TCF25: variants seen among roughly 807,000 people sequenced by gnomAD.
The protein encoded by TCF25 is TCF25 ribosome quality control complex subunit, also known as ribosome quality control complex subunit TCF25.
A neutral mutation model predicts 83.1 loss-of-function variants in TCF25; 41 were observed. The ratio of observed to expected loss-of-function variants is 0.49; its 90% CI spans 0.38 to 0.64. The LOEUF is 0.64. Among genes scored for constraint, TCF25 ranks in the 30% least tolerant of loss-of-function variants. The pLI, the probability that TCF25 is intolerant of heterozygous loss-of-function variation, is 0.00. For synonymous variants in TCF25, 458 were observed against 365.0 expected, an observed-to-expected ratio of 1.25 and a Z score of -2.90; for missense variants, 979 against 914.5, an observed-to-expected ratio of 1.07 and a Z score of -0.91.
chr16:89,877,061 C>T (rs774046432), intron 1 of TCF25, among the ~76,000 whole-genome samples: 4 of 151,346 alleles, frequency 2.6e-5, no homozygotes, highest in Non-Finnish European at 4.4e-5. Context: ...GAGATTGTGC[C>T]ACCAGGCTCC....
intron 1 of TCF25, among the ~76,000 whole-genome samples, chr16:89,880,226 A>C (rs988274841): frequency 6.6e-6 from 1 of 152,148 alleles, no homozygotes; most frequent in African/African-American, 2.4e-5. Flanking sequence ...TATGAATTCG[A>C]TTTGTCAAAC....
intron 16 of TCF25, 114 bp from the exon 17 acceptor site, chr16:89,910,477 C>G: frequency 1.9e-6 from 2 of 1,029,920 alleles, no homozygotes; most frequent in Admixed American, 1.9e-5. Flanking sequence ...TGCCCCCTGG[C>G]GGCCCCTCCG....
chr16:89,893,687 C>T (rs2043602236), intron 6 of TCF25, 41 bp from the exon 7 acceptor site: 1 of 1,612,512 alleles, frequency 6.2e-7, no homozygotes, highest in East Asian at 2.2e-5. Flanking sequence ...GCCCACGTCC[C>T]TGCTCCCGGC....
Position 89,900,956 on chromosome 16 carries a change from G to A in TCF25, c.1381+162G>A, listed in dbSNP as rs992546964. The A allele has an allele frequency of 2.2e-5, 19 of 860,512 alleles. No individual in the cohort carries two copies. The Admixed American group carries it at 5.5e-4, about 25-fold the overall frequency. The allele number at this position is 860,512 out of a possible 1,614,324, so 53.3% of individuals were successfully genotyped here. On this transcript the variant is annotated intron_variant, in intron 12 of 17. Transcript: ENST00000263346. ...AACCTGCCCTACCAAACCTGAAAGA[G>A]GGTCGGCTCATCTCGGAACCCGCTG... is the stretch of plus-strand genomic sequence containing the variant.
At chr16:89,884,310 G>T (rs73276535) in intron 2 of TCF25, among the ~76,000 whole-genome samples, 2 of 152,172 alleles carry the variant, frequency 1.3e-5, no homozygotes, top group South Asian at 2.1e-4. Flanking sequence ...GGCCGACACA[G>T]GGAGGAATGA....
chr16:89,878,631 G>C, intron 1 of TCF25: 2 of 1,110,254 alleles, frequency 1.8e-6, no homozygotes, highest in Non-Finnish European at 2.2e-6. Flanking sequence ...CTTTTGGGTA[G>C]GTAATAAGGT....
At chr16:89,891,325 C>T (rs564753467) in intron 5 of TCF25, among the ~76,000 whole-genome samples, 40 of 152,208 alleles carry the variant, frequency 2.6e-4, no homozygotes, top group Non-Finnish European at 5.1e-4. Flanking sequence ...GTGCTACAGG[C>T]AGGAGAAGCA....
intron 1 of TCF25, among the ~76,000 whole-genome samples, chr16:89,879,232 A>C (rs1382204664): frequency 1.4e-5 from 2 of 145,626 alleles, no homozygotes; most frequent in Non-Finnish European, 3.0e-5. Context: ...GGCCTGTCAC[A>C]CGTGTTGTCC....
chr16:89,890,208 C>G (rs147822038), intron 5 of TCF25: 3 of 152,622 alleles, frequency 2.0e-5, no homozygotes, highest in East Asian at 3.9e-4. Flanking sequence ...GCCACCACAC[C>G]CAGCCTAAGT....
intron 13 of TCF25, 147 bp downstream of exon 13, chr16:89,904,352 A>G (rs2044597886): frequency 1.2e-6 from 1 of 854,542 alleles, no homozygotes; most frequent in Non-Finnish European, 1.9e-6. Context: ...GTCATTTGAC[A>G]TGGGACGGCT....
chr16:89,879,246 T>G (rs2042421495), intron 1 of TCF25, among the ~76,000 whole-genome samples: 1 of 150,244 alleles, frequency 6.7e-6, no homozygotes, highest in African/African-American at 2.5e-5. Context: ...GTTGTCCGTG[T>G]GCACAGATGG....
chr16:89,886,550 G>T (rs1162390278), intron 4 of TCF25, among the ~76,000 whole-genome samples: 2 of 152,052 alleles, frequency 1.3e-5, no homozygotes, highest in African/African-American at 4.8e-5. Context: ...ATCACCTGAG[G>T]TCAGGAGTTT....
chr16:89,883,254 C>T (rs2042741386), intron 1 of TCF25, 97 bp from the exon 2 acceptor site: 2 of 1,516,106 alleles, frequency 1.3e-6, no homozygotes, highest in East Asian at 2.3e-5. Flanking sequence ...CCTGGGGGTC[C>T]CCAACGCAAG....
intron 16 of TCF25, chr16:89,908,983 G>C: frequency 7.8e-7 from 1 of 1,289,538 alleles, no homozygotes; most frequent in Non-Finnish European, 1.0e-6. Context: ...GAGGAGGAGA[G>C]GAACAGTGTT....
At position 89,873,657 on chromosome 16, in the gene TCF25, C is replaced by A; in HGVS notation, c.-11C>A. 6.4e-7 allele frequency: 1 copy of A among 1,562,292 alleles called. No individual in the cohort carries two copies. Among genetic ancestry groups the A allele is most frequent in the South Asian group, 1.2e-5 (1 of 85,630 alleles). On this transcript the variant is annotated 5_prime_UTR_variant, in exon 1 of 18. Transcript: ENST00000263346. ...TCTCCCTCTCTCCAGACGTCGTGGT[C>A]GTTCGGTCCTATGTCGCGCCGGGCC...
At chr16:89,874,349 TA>T (rs2041999377) in intron 1 of TCF25, among the ~76,000 whole-genome samples, 1 of 137,652 alleles carries the variant, frequency 7.3e-6, no homozygotes, top group Non-Finnish European at 1.6e-5. Flanking sequence ...TGGGCGGGGT[TA>T]AATGAGGCCT....
At chr16:89,900,911 A>G in intron 12 of TCF25, 117 bp downstream of exon 12, 1 of 1,214,008 alleles carries the variant, frequency 8.2e-7, no homozygotes, top group Admixed American at 2.7e-5. Context: ...AGAAACATGC[A>G]TTCTCTGGTA....
Position 89,898,778 on chromosome 16 carries a change from A to G in TCF25, c.1127A>G (p.Asp376Gly), listed in dbSNP as rs2044092015. The G allele has an allele frequency of 2.5e-6, 4 of 1,613,668 alleles. No individual in the cohort carries two copies. The Admixed American group carries it at 6.7e-5, about 27-fold the overall frequency. Reference protein sequence around the residue: ...YCKLILSLEPDEDPLCMLLLI... With the variant: ...YCKLILSLEPGEDPLCMLLLI... ...GCTGCCTCCGGAAGTCTCGAGCCGG[A>G]TGAGGACCCCCTCTGCATGCTGCTG... The change falls in exon 11 of 18, where the codon GAT becomes GGT. Residue 376 changes from aspartate (D) to glycine (G), a missense_variant. Transcript: ENST00000263346.
At chr16:89,906,362 T>A in intron 15 of TCF25, 78 bp downstream of exon 15, 2 of 1,423,736 alleles carry the variant, frequency 1.4e-6, no homozygotes, top group East Asian at 2.3e-5. Flanking sequence ...GCGGTCCACA[T>A]GCAGGCGTGC....
Sources: gnomAD v4.1 joint callset for allele counts (sites outside exome capture counted in the v4.1 genomes callset) on GRCh38, gnomAD v4.1.1 for gene constraint, MANE v1.5 for transcripts, NCBI Gene and HGNC (gene_info 2026-07-23, HGNC 2026-07-21) for gene names.